The following ASIC5 variants were observed in gnomAD, a reference collection of about 807,000 sequenced individuals.
ASIC5 encodes the protein acid sensing ion channel subunit family member 5.
Under a neutral mutation model 51.2 loss-of-function variants are expected in ASIC5, and 52 were observed. The ratio of observed to expected loss-of-function variants is 1.02; its 90% confidence interval spans 0.81 to 1.28. The LOEUF (loss-of-function observed/expected upper bound fraction) is 1.28, where lower values mean the gene tolerates loss of function less well. Ranked by LOEUF, ASIC5 falls within the 50% of genes most tolerant of loss-of-function variation. The pLI is 0.00. For synonymous variants in ASIC5, 231 were observed against 200.7 expected (o/e 1.15, Z -1.28); for missense variants, 635 against 595.0 (o/e 1.07, Z -0.70).
intron 4 of ASIC5, among the ~76,000 whole-genome samples, chr4:155,844,604 C>T (rs994460433): frequency 1.0e-5 from 1 of 99,232 alleles, no homozygotes; most frequent in South Asian, 3.5e-4. Context: ...GTTTGTTTCT[C>T]TCTTGTGGGG....
At chr4:155,848,304 T>C (rs1204485770) in intron 4 of ASIC5, among the ~76,000 whole-genome samples, 1 of 152,080 alleles carries the variant, frequency 6.6e-6, no homozygotes, top group Non-Finnish European at 1.5e-5. Context: ...ATTATGTCTT[T>C]TTCTGACCTA....
At chr4:155,864,366 A>C (rs535996467) in intron 1 of ASIC5, 36 of 152,294 alleles carry the variant, frequency 2.4e-4, no homozygotes, top group African/African-American at 8.7e-4. Flanking sequence ...TTAATTCATC[A>C]TTTCAAGTCT....
chr4:155,829,864 C>T lies in ASIC5; in HGVS notation c.1510G>A (p.Glu504Lys), dbSNP rs1452459295. 1.3e-6 allele frequency: 2 copies of T among 1,583,146 alleles called. No homozygotes were observed. Among genetic ancestry groups the T allele is most frequent in the Admixed American group, 1.8e-5 (1 of 55,216 alleles). The change falls in exon 10 of 10, where the codon GAG becomes AAG. Residue 504 changes from glutamate to lysine, a missense_variant. By Grantham distance (56) the Glu-to-Lys change is moderately conservative. Transcript: ENST00000537611. ...TTTATTCTAAGTGACCATTAACACT[C>T]CTCTATCCTATTTTTATTTCCCAGA... ...NHLGNKNRIE[E>K]C is the part of the protein sequence containing the mutation.
intron 4 of ASIC5, among the ~76,000 whole-genome samples, chr4:155,847,082 G>C (rs973407384): frequency 6.6e-6 from 1 of 152,028 alleles, no homozygotes; most frequent in Non-Finnish European, 1.5e-5. Context: ...GAAAGGAGAA[G>C]TGTTCAGGTC....
intron 1 of ASIC5, 71 bp from the exon 2 acceptor site, chr4:155,863,825 A>C: frequency 8.2e-7 from 1 of 1,221,240 alleles, no homozygotes. Context: ...ATCCGTAAAA[A>C]AACACAACTC....
At chr4:155,845,039 A>T (rs779691398) in intron 4 of ASIC5, among the ~76,000 whole-genome samples, 1 of 152,008 alleles carries the variant, frequency 6.6e-6, no homozygotes, top group Non-Finnish European at 1.5e-5. Context: ...CCAAAGGGGA[A>T]CTCTAAACTA....
rs113655957 is a variant in ASIC5, at chr4:155,831,640, G to A, written c.1327+184C>T. On this transcript the variant is annotated intron_variant, in intron 9 of 9. Transcript: ENST00000537611. ...CAAAAAATTAGCCAGGCGTGGTGGC[G>A]GGTGCCTGTAGTCCCAGCTACTTGG... Among the ~76,000 whole-genome samples, 228 of 152,140 alleles carry A rather than the reference G, an allele frequency of 1.5e-3. 2 individuals carry two copies. Among genetic ancestry groups the A allele is most frequent in the African/African-American group, 4.8e-3 (199 of 41,522 alleles).
chr4:155,857,481 T>TA (rs1317700294), intron 2 of ASIC5, among the ~76,000 whole-genome samples: 4 of 152,108 alleles, frequency 2.6e-5, no homozygotes, highest in African/African-American at 9.7e-5. Context: ...TCAAAAACCT[T>TA]GCTTAGCTAG....
intron 2 of ASIC5, among the ~76,000 whole-genome samples, chr4:155,855,064 C>G (rs564841961): frequency 6.6e-6 from 1 of 152,198 alleles, no homozygotes; most frequent in South Asian, 2.1e-4. Flanking sequence ...GACTGCTTAA[C>G]CAGCTCCTGC....
At chr4:155,864,804 G>A (rs1446357628) in intron 1 of ASIC5, 2 of 152,100 alleles carry the variant, frequency 1.3e-5, no homozygotes, top group Non-Finnish European at 1.5e-5. Flanking sequence ...TGCTAATGTA[G>A]TGGTGATGTG....
In ASIC5 at chr4:155,829,845, C is replaced by T. The variant is rs781250634; in HGVS notation, c.*11G>A. On this transcript the variant is annotated 3_prime_UTR_variant, in exon 10 of 10. Coordinates refer to ENST00000537611, the MANE Select transcript of ASIC5 (RefSeq NM_017419.3). ...ATCATGAAAAGGAAACTATTTTATT[C>T]TAAGTGACCATTAACACTCCTCTAT... is the stretch of plus-strand genomic sequence containing the variant. 2 of 1,482,298 alleles carry T rather than the reference C, an allele frequency of 1.3e-6. No homozygotes were observed. The highest frequency in any genetic ancestry group is 2.9e-5 in the South Asian group (2 of 70,066). 91.8% of individuals were successfully genotyped at this position (1,482,298 alleles called of 1,614,324 possible). A position where few individuals can be genotyped will look rare whatever the true frequency, so the allele number is the denominator to read the frequency against.
rs576201810 is a variant in ASIC5 at position 155,832,001 on chromosome 4, G to A, written c.1236-86C>T. 2.7e-4 allele frequency: 187 copies of A among 680,312 alleles called. 2 individuals carry two copies. The African/African-American group carries it at 3.2e-3, about 12-fold the overall frequency. The allele number at this position is 680,312 out of a possible 1,614,324, so 42.1% of individuals were successfully genotyped here. On this transcript the variant is annotated intron_variant, in intron 8 of 9. Coordinates refer to ENST00000537611, the MANE Select transcript of ASIC5 (RefSeq NM_017419.3). ...TCGAATAAAGGTAATATTCATTTTT[G>A]TTTTATATGCTATTTAATGTTAAAC...
chr4:155,846,435 A>G (rs56948625), intron 4 of ASIC5, among the ~76,000 whole-genome samples: 2,994 of 152,242 alleles, frequency 0.02, 96 homozygotes, highest in African/African-American at 0.066. Context: ...CAAAATTACC[A>G]TAATTTCTAA....
rs749276126 is a variant in ASIC5 at position 155,842,335 on chromosome 4, G to A, written c.881C>T (p.Pro294Leu). ...RQVKTVHQEYPWGECNPNIKL... is the reference protein window; with the variant it reads ...RQVKTVHQEYLWGECNPNIKL... ...GATGTTAGGATTGCATTCTCCCCAA[G>A]GGTATTCTTGATGAACTGTCTTAAG... The change falls in exon 6 of 10, where the codon CCT becomes CTT. Residue 294 changes from proline to leucine, a missense_variant. Transcript: ENST00000537611. 4.5e-5 allele frequency: 73 copies of A among 1,612,758 alleles called. No individual in the cohort carries two copies. Among genetic ancestry groups the A allele is most frequent in the Non-Finnish European group, 5.8e-5 (68 of 1,179,302 alleles).
At chr4:155,832,921 A>T (rs1462701600) in intron 8 of ASIC5, among the ~76,000 whole-genome samples, 1 of 152,036 alleles carries the variant, frequency 6.6e-6, no homozygotes, top group Non-Finnish European at 1.5e-5. Context: ...GTCAGGAAGG[A>T]CTTTCCTGAC....
chr4:155,852,509 T>A (rs906543713), intron 3 of ASIC5, among the ~76,000 whole-genome samples, 193 bp from the exon 4 acceptor site: 4 of 151,406 alleles, frequency 2.6e-5, no homozygotes, highest in African/African-American at 9.7e-5. Context: ...TCAATTTGCA[T>A]GTGATTATTT....
intron 8 of ASIC5, among the ~76,000 whole-genome samples, chr4:155,835,579 A>C (rs1467414403): frequency 3.3e-5 from 5 of 152,228 alleles, no homozygotes; most frequent in Admixed American, 1.3e-4. Context: ...AGACACAGGA[A>C]GTGCTCTTCT....
In ASIC5 at chr4:155,854,236, T is replaced by C. The variant is rs149946317; in HGVS notation, c.426A>G (p.Gln142=). ...WHIVSKVLHL[Q]EITANSTGSR... is the part of the protein sequence containing the mutation. ...AGCCAGTGGAATTGGCAGTAATTTC[T>C]TGAAGATGGAGGACTTTGGATACAA... The change falls in exon 3 of 10, where the codon CAA becomes CAG. Residue 142 remains glutamine (Q), a synonymous_variant. Coordinates refer to ENST00000537611, the MANE Select transcript of ASIC5 (RefSeq NM_017419.3). 82 of 1,613,368 alleles carry C rather than the reference T, an allele frequency of 5.1e-5. No homozygotes were observed. The African/African-American group carries it at 9.9e-4, about 19-fold the overall frequency.
intron 4 of ASIC5, among the ~76,000 whole-genome samples, chr4:155,845,248 C>T (rs1216248334): frequency 2.0e-5 from 3 of 151,902 alleles, no homozygotes; most frequent in Non-Finnish European, 4.4e-5. Context: ...TTTAAAGAAG[C>T]TCAGTGTTTC....
Sources: gnomAD v4.1 joint callset for allele counts (sites outside exome capture counted in the v4.1 genomes callset) on GRCh38, gnomAD v4.1.1 for gene constraint, MANE v1.5 for transcripts, NCBI Gene and HGNC (gene_info 2026-07-23, HGNC 2026-07-21) for gene names.